NELFB: variants seen among roughly 807,000 people sequenced by gnomAD.
The protein encoded by NELFB is negative elongation factor complex member B, also known as negative elongation factor B.
NELFB carries 34 observed loss-of-function variants against 60.2 expected under a neutral mutation model. That is an observed-to-expected ratio of 0.56 (90% confidence interval 0.43 to 0.75). NELFB has a LOEUF of 0.75. Among genes scored for constraint, NELFB ranks in the 30% least tolerant of loss-of-function variants. The probability of loss-of-function intolerance (pLI) is 0.00; values close to 1 mark genes in which losing one functional copy is unlikely to be tolerated. For synonymous variants in NELFB, 459 were observed against 382.1 expected, an observed-to-expected ratio of 1.20 and a Z score of -2.35; for missense variants, 770 against 831.6, an observed-to-expected ratio of 0.93 and a Z score of 0.91.
Position 137,255,362 on chromosome 9 carries a change from G to A in NELFB, c.-4G>A, listed in dbSNP as rs971656454. 11 of 478,742 alleles carry A rather than the reference G, an allele frequency of 2.3e-5. No homozygotes were observed. Among genetic ancestry groups the A allele is most frequent in the Non-Finnish European group, 2.6e-5 (8 of 308,896 alleles). 29.7% of individuals were successfully genotyped at this position (478,742 alleles called of 1,614,324 possible). On this transcript the variant is annotated 5_prime_UTR_variant, in exon 1 of 13. Transcript: ENST00000343053. ...CGCGCGCGGAGTCGCGCGGCGGGCG[G>A]GACCTGGCCGAGCTGGAGGGCGCCG...
intron 10 of NELFB, among the ~76,000 whole-genome samples, chr9:137,271,339 T>C (rs983504099): frequency 1.3e-5 from 2 of 152,234 alleles, no homozygotes. Context: ...AAAGGCCCCA[T>C]CCGGGATACT....
intron 10 of NELFB, 94 bp from the exon 11 acceptor site, chr9:137,271,987 C>T (rs558951239): frequency 6.6e-7 from 1 of 1,514,928 alleles, no homozygotes; most frequent in African/African-American, 1.4e-5. Flanking sequence ...ATGTGAGCAC[C>T]CCCAGAAGTA....
At chr9:137,270,061 C>T (rs1830564291) in intron 10 of NELFB, among the ~76,000 whole-genome samples, 1 of 152,104 alleles carries the variant, frequency 6.6e-6, no homozygotes. Flanking sequence ...TCCAACCTCC[C>T]CGGGGTCCAC....
chr9:137,257,692 G>C (rs540841474), intron 4 of NELFB, among the ~76,000 whole-genome samples: 1 of 152,002 alleles, frequency 6.6e-6, no homozygotes, highest in African/African-American at 2.4e-5. Context: ...AGTAGAGATG[G>C]GATTTCTCCA....
In NELFB at chr9:137,258,793, C is replaced by T. The variant is rs531635314; in HGVS notation, c.741+1739C>T. On this transcript the variant is annotated intron_variant, in intron 4 of 12. Coordinates refer to ENST00000343053, the MANE Select transcript of NELFB (RefSeq NM_015456.5). Reference sequence around the variant, plus strand: ...AACTAGCACTGTTCAGTGGAAAAAGCGAACTATAAGTTAAGATTTTTCAGC... The same window carrying T: ...AACTAGCACTGTTCAGTGGAAAAAGTGAACTATAAGTTAAGATTTTTCAGC... 2.6e-4 allele frequency among the ~76,000 whole-genome samples: 40 copies of T among 151,786 alleles called. No homozygotes were observed. In the South Asian group the frequency reaches 3.9e-3, roughly 15 times the overall value.
chr9:137,258,991 C>G (rs1203198820), intron 4 of NELFB, among the ~76,000 whole-genome samples: 1 of 152,024 alleles, frequency 6.6e-6, no homozygotes. Flanking sequence ...ATCGCTTGAG[C>G]TTAGTAGTTA....
At position 137,256,394 on chromosome 9, in the gene NELFB, C is replaced by T; in HGVS notation, c.476C>T (p.Pro159Leu). Residue 159 changes from proline (P) to leucine (L), a missense_variant, in exon 3 of 13, where the codon CCC becomes CTC. Transcript: ENST00000343053. ...CTGGTGAAGATGCCGTCCCTGCAGCCCGTGGTGATGTGCGTCATGAAGCAC... is the reference window on the plus strand; with the variant it reads ...CTGGTGAAGATGCCGTCCCTGCAGCTCGTGGTGATGTGCGTCATGAAGCAC... The T allele has an allele frequency of 6.2e-7, 1 of 1,614,008 alleles. No homozygotes were observed. Among genetic ancestry groups the T allele is most frequent in the South Asian group, 1.1e-5 (1 of 91,084 alleles).
At chr9:137,263,749 C>T (rs117210868) in intron 5 of NELFB, among the ~76,000 whole-genome samples, 1,796 of 152,160 alleles carry the variant, frequency 0.012, 22 homozygotes, top group East Asian at 0.039. Flanking sequence ...TCTGTGTTCC[C>T]GAGGGCTGTA....
At chr9:137,255,742 G>T in intron 1 of NELFB, 131 bp downstream of exon 1, 3 of 1,431,130 alleles carry the variant, frequency 2.1e-6, no homozygotes, top group Admixed American at 2.0e-5. Flanking sequence ...TGGGGGTGGA[G>T]TCCGGAGCCA....
At chr9:137,259,465 C>T (rs1364233681) in intron 4 of NELFB, among the ~76,000 whole-genome samples, 3 of 152,042 alleles carry the variant, frequency 2.0e-5, no homozygotes, top group African/African-American at 7.2e-5. Flanking sequence ...TTTCTTGTTC[C>T]ATTGCTGTCA....
chr9:137,263,306 C>G, intron 5 of NELFB, 84 bp downstream of exon 5: 1 of 1,329,284 alleles, frequency 7.5e-7, no homozygotes, highest in East Asian at 2.5e-5. Flanking sequence ...CTCCCCGGCC[C>G]TCCCTCCTTC....
chr9:137,256,472 ACT>A, intron 3 of NELFB, 44 bp downstream of exon 3: 2 of 1,551,534 alleles, frequency 1.3e-6, no homozygotes, highest in Admixed American at 3.4e-5. Flanking sequence ...CCGTCCGCCC[ACT>A]CTCATGCCCT....
At chr9:137,261,341 A>AAAAAAAAAAAAAAAGT (rs1830440997) in intron 4 of NELFB, among the ~76,000 whole-genome samples, 1 of 130,226 alleles carries the variant, frequency 7.7e-6, no homozygotes, top group Non-Finnish European at 1.7e-5. Context: ...CTCGGTTTCA[A>AAAAAAAAAAAAAAAGT]AAAAAAAAAA....
At chr9:137,260,070 G>T (rs934125379) in intron 4 of NELFB, among the ~76,000 whole-genome samples, 2 of 143,308 alleles carry the variant, frequency 1.4e-5, no homozygotes, top group African/African-American at 5.2e-5. Flanking sequence ...TTATTTTTGA[G>T]ACAGAATCTT....
intron 4 of NELFB, among the ~76,000 whole-genome samples, chr9:137,260,393 A>T (rs11497275): frequency 0.78 from 114,944 of 147,308 alleles, 45,805 homozygotes; most frequent in Middle Eastern, 0.89. Context: ...TTTATTTTTT[A>T]AAATTTTTTT....
Position 137,273,122 on chromosome 9 carries a change from TG to T in NELFB, c.*196del. ...CGGACCTTGCCCACCATCCATGCAG[TG>T]GCTCCCAGGGCAGAGCCTCTCCTTG... On this transcript the variant is annotated 3_prime_UTR_variant, in exon 13 of 13. Coordinates refer to ENST00000343053, the MANE Select transcript of NELFB (RefSeq NM_015456.5). The T allele has an allele frequency of 1.8e-6, 1 of 543,410 alleles. No homozygotes were observed. 33.7% of individuals were successfully genotyped at this position (543,410 alleles called of 1,614,324 possible).
intron 5 of NELFB, 76 bp downstream of exon 5, chr9:137,263,298 C>T: frequency 7.5e-7 from 1 of 1,339,542 alleles, no homozygotes; most frequent in Non-Finnish European, 1.0e-6. Context: ...CCCTCCCACT[C>T]CCCGGCCCTC....
At chr9:137,272,262 C>A (rs368204341) in intron 11 of NELFB, 40 bp downstream of exon 11, 10 of 1,607,062 alleles carry the variant, frequency 6.2e-6, no homozygotes, top group Non-Finnish European at 8.5e-6. Context: ...TCTGTCCTCT[C>A]AGCTCTTGTC....
At position 137,255,617 on chromosome 9, in the gene NELFB, G is replaced by T; in HGVS notation, c.246+6G>T. On this transcript the variant is annotated splice_donor_region_variant and intron_variant, in intron 1 of 12. Transcript: ENST00000343053. Reference sequence around the variant, plus strand: ...AGGCCATCGAGCAGTTCCAGGTGGGGCGGCCCCCGGGGCGGGGGGAGCCCA... The same window carrying T: ...AGGCCATCGAGCAGTTCCAGGTGGGTCGGCCCCCGGGGCGGGGGGAGCCCA... 6.5e-7 allele frequency: 1 copy of T among 1,545,522 alleles called. No individual in the cohort carries two copies. Among genetic ancestry groups the T allele is most frequent in the East Asian group, 2.5e-5 (1 of 40,792 alleles).
Sources: gnomAD v4.1 joint callset for allele counts (sites outside exome capture counted in the v4.1 genomes callset) on GRCh38, gnomAD v4.1.1 for gene constraint, MANE v1.5 for transcripts, NCBI Gene and HGNC (gene_info 2026-07-23, HGNC 2026-07-21) for gene names.